Variants in BABAM2 observed in about 807,000 individuals in gnomAD.
BABAM2 encodes the protein BRISC and BRCA1-A complex member 2.
BABAM2 carries 31 observed loss-of-function variants against 54.7 expected under a neutral mutation model. The ratio of observed to expected loss-of-function variants is 0.57; its 90% confidence interval spans 0.43 to 0.77. BABAM2 has a LOEUF of 0.77. Ranked by LOEUF, BABAM2 falls within the 30% of genes least tolerant of loss-of-function variation. The probability of loss-of-function intolerance (pLI) is 0.00; values close to 1 mark genes in which losing one functional copy is unlikely to be tolerated. For synonymous variants in BABAM2, 167 were observed against 162.9 expected, an observed-to-expected ratio of 1.03 and a Z score of -0.19; for missense variants, 364 against 455.8, an observed-to-expected ratio of 0.80 and a Z score of 1.83.
At chr2:28,010,650 T>C (rs1403534642) in intron 4 of BABAM2, among the ~76,000 whole-genome samples, 2 of 152,166 alleles carry the variant, frequency 1.3e-5, no homozygotes, top group African/African-American at 4.8e-5. Flanking sequence ...AGGAACCTGA[T>C]TCAAACTGGC....
intron 11 of BABAM2, among the ~76,000 whole-genome samples, chr2:28,312,539 G>A (rs1689171647): frequency 6.6e-6 from 1 of 152,150 alleles, no homozygotes; most frequent in Non-Finnish European, 1.5e-5. Flanking sequence ...AGAAGACTGA[G>A]TACAACTCAG....
chr2:28,020,734 ATTAT>A (rs1213278367), intron 4 of BABAM2, among the ~76,000 whole-genome samples: 2 of 152,160 alleles, frequency 1.3e-5, no homozygotes, highest in African/African-American at 4.8e-5. Context: ...ATAGTTGCAG[ATTAT>A]TTATTTGAAT....
intron 10 of BABAM2, among the ~76,000 whole-genome samples, chr2:28,297,727 T>C (rs758036243): frequency 6.6e-6 from 1 of 152,210 alleles, no homozygotes; most frequent in Non-Finnish European, 1.5e-5. Flanking sequence ...CTGAAACTGC[T>C]GAGTATCAAA....
At chr2:27,930,219 A>G in intron 3 of BABAM2, 2 of 219,086 alleles carry the variant, frequency 9.1e-6, no homozygotes, top group South Asian at 7.6e-5. Flanking sequence ...ACTGCTTTAG[A>G]ATACCTGGCC....
chr2:28,296,714 G>A (rs191739793), intron 10 of BABAM2, among the ~76,000 whole-genome samples: 13 of 152,238 alleles, frequency 8.5e-5, no homozygotes, highest in Admixed American at 3.9e-4. Context: ...TTAAGACGGA[G>A]TCTCACTCTG....
intron 11 of BABAM2, among the ~76,000 whole-genome samples, chr2:28,301,644 C>A (rs1432090150): frequency 6.6e-6 from 1 of 152,122 alleles, no homozygotes; most frequent in Non-Finnish European, 1.5e-5. Context: ...CTCTTTCTGC[C>A]CCCTCAAACA....
intron 6 of BABAM2, among the ~76,000 whole-genome samples, chr2:28,100,462 C>CA (rs34217491): frequency 0.69 from 61,568 of 89,500 alleles, 20,736 homozygotes; most frequent in Middle Eastern, 0.76. Context: ...ACTCTGTCTC[C>CA]AAAAAAAAAA....
intron 4 of BABAM2, chr2:28,016,144 G>A: frequency 8.1e-7 from 1 of 1,233,514 alleles, no homozygotes; most frequent in Non-Finnish European, 1.2e-6. Context: ...AGAACTGCTG[G>A]AAGAATCAGA....
At chr2:28,226,048 G>T (rs532844445) in intron 7 of BABAM2, among the ~76,000 whole-genome samples, 234 of 152,174 alleles carry the variant, frequency 1.5e-3, no homozygotes, top group Middle Eastern at 3.4e-3. Flanking sequence ...TAAATGGTTA[G>T]AAAAATATTT....
chr2:28,151,106 G>A (rs1190349706), intron 7 of BABAM2, among the ~76,000 whole-genome samples: 3 of 152,114 alleles, frequency 2.0e-5, no homozygotes, highest in Admixed American at 6.5e-5. Context: ...AGATACTTAG[G>A]ATTTTTGACT....
At chr2:27,960,340 T>G (rs967988818) in intron 3 of BABAM2, among the ~76,000 whole-genome samples, 6 of 152,200 alleles carry the variant, frequency 3.9e-5, no homozygotes, top group Non-Finnish European at 7.3e-5. Context: ...AAGATTGCCC[T>G]TTGTGTGCAA....
chr2:27,922,780 C>A (rs1007622751), intron 2 of BABAM2, among the ~76,000 whole-genome samples: 7 of 152,060 alleles, frequency 4.6e-5, no homozygotes, highest in Middle Eastern at 3.2e-3. Context: ...AGTTGAGAGA[C>A]AAATTTGAAA....
At chr2:28,070,551 C>CTTTTTTTTTTTTTTTTTTTTT (rs779324534) in intron 6 of BABAM2, among the ~76,000 whole-genome samples, 3 of 85,740 alleles carry the variant, frequency 3.5e-5, no homozygotes, top group African/African-American at 9.7e-5. Flanking sequence ...AAGTACTTTT[C>CTTTTTTTTTTTTTTTTTTTTT]TTTTCTTTTT....
chr2:27,902,480 G>A (rs1228860559), intron 2 of BABAM2, among the ~76,000 whole-genome samples: 1 of 152,088 alleles, frequency 6.6e-6, no homozygotes, highest in Non-Finnish European at 1.5e-5. Flanking sequence ...ATTAGATATT[G>A]CCAGATTGAA....
chr2:28,327,228 C>T, intron 11 of BABAM2: 1 of 1,555,720 alleles, frequency 6.4e-7, no homozygotes. Flanking sequence ...CTCCATTTAG[C>T]CAGCTGGCCC....
At chr2:28,302,972 A>G (rs1433670831) in intron 11 of BABAM2, among the ~76,000 whole-genome samples, 2 of 152,028 alleles carry the variant, frequency 1.3e-5, no homozygotes, top group Non-Finnish European at 2.9e-5. Context: ...TGTCAGATAT[A>G]TTTTTTGTGA....
At chr2:28,213,899 G>T (rs1334151395) in intron 7 of BABAM2, among the ~76,000 whole-genome samples, 1 of 149,134 alleles carries the variant, frequency 6.7e-6, no homozygotes, top group Admixed American at 6.7e-5. Context: ...TTTTTTAAAA[G>T]TACTCTAGAA....
intron 2 of BABAM2, among the ~76,000 whole-genome samples, chr2:27,910,559 G>T (rs1666508589): frequency 6.6e-6 from 1 of 152,016 alleles, no homozygotes; most frequent in South Asian, 2.1e-4. Context: ...CGTCCTCTTT[G>T]TGCTCCCATC....
intron 5 of BABAM2, 128 bp from the exon 6 acceptor site, chr2:28,045,597 T>C (rs1429306441): frequency 3.1e-5 from 19 of 617,856 alleles, no homozygotes; most frequent in Non-Finnish European, 4.5e-5. Flanking sequence ...TTTTCTTGCC[T>C]AACGTTAGGA....
Sources: gnomAD v4.1 joint callset for allele counts (sites outside exome capture counted in the v4.1 genomes callset) on GRCh38, gnomAD v4.1.1 for gene constraint, MANE v1.5 for transcripts, NCBI Gene and HGNC (gene_info 2026-07-23, HGNC 2026-07-21) for gene names.